PBX1: variants seen among roughly 807,000 people sequenced by gnomAD.
The protein encoded by PBX1 is PBX homeobox 1, also known as pre-B-cell leukemia transcription factor 1.
In PBX1, 6 loss-of-function variants were observed where a neutral mutation model predicts 53.4. The observed-to-expected ratio is 0.11, with a 90% CI of 0.06 to 0.22. The LOEUF is 0.22. Ranked by LOEUF, PBX1 falls within the 10% of genes least tolerant of loss-of-function variation. PBX1 has a pLI of 1.00. For synonymous variants in PBX1, 204 were observed against 212.3 expected, an observed-to-expected ratio of 0.96 and a Z score of 0.34; for missense variants, 251 against 551.4, an observed-to-expected ratio of 0.46 and a Z score of 5.46.
chr1:164,826,806 G>T (rs1430244606), intron 8 of PBX1, among the ~76,000 whole-genome samples: 1 of 152,122 alleles, frequency 6.6e-6, no homozygotes, highest in African/African-American at 2.4e-5. Context: ...TATTCAAAAG[G>T]TTTGGTGAAA....
chr1:164,564,227 G>A (rs978369366), intron 2 of PBX1, among the ~76,000 whole-genome samples: 3 of 152,088 alleles, frequency 2.0e-5, no homozygotes, highest in Admixed American at 1.3e-4. Context: ...TTACCCGCTC[G>A]CTTTAGAGCA....
chr1:164,562,793 G>C (rs1386017786), intron 1 of PBX1: 1 of 152,366 alleles, frequency 6.6e-6, no homozygotes, highest in Middle Eastern at 3.4e-3. Flanking sequence ...GAATGAATTC[G>C]AACACATGGA....
intron 2 of PBX1, among the ~76,000 whole-genome samples, chr1:164,678,024 A>G (rs1042453971): frequency 4.6e-5 from 7 of 152,142 alleles, no homozygotes; most frequent in African/African-American, 9.7e-5. Context: ...TCTAAAACCA[A>G]CCTCTTTTCA....
intron 2 of PBX1, among the ~76,000 whole-genome samples, chr1:164,754,201 A>G (rs1235958517): frequency 6.6e-6 from 1 of 152,034 alleles, no homozygotes; most frequent in Non-Finnish European, 1.5e-5. Flanking sequence ...TCATGGGAAA[A>G]AGCAGAGGCT....
At position 164,649,125 on chromosome 1, in the gene PBX1, C is replaced by CTAG. The variant is rs1240615833; in HGVS notation, c.265+85816_265+85818dup. Among the ~76,000 whole-genome samples, 25 of 152,212 alleles carry CTAG rather than the reference C, an allele frequency of 1.6e-4. No individual in the cohort carries two copies. The East Asian group carries it at 4.8e-3, about 29-fold the overall frequency. On this transcript the variant is annotated intron_variant, in intron 2 of 8. Transcript: ENST00000420696. The stretch of plus-strand genomic sequence containing the variant: ...AATGTGGGAACATTGGCCTACAGAT[C>CTAG]TAGTTAGGTCCTCTCCCACCGCCAT...
intron 2 of PBX1, among the ~76,000 whole-genome samples, chr1:164,707,454 AGAAAG>A (rs1663501556): frequency 8.8e-5 from 13 of 146,908 alleles, no homozygotes; most frequent in Admixed American, 3.4e-4. Flanking sequence ...AGAGAGAGAG[AGAAAG>A]TGCTGAATCC....
chr1:164,778,581 G>T (rs1035599860), intron 2 of PBX1, among the ~76,000 whole-genome samples: 6 of 151,572 alleles, frequency 4.0e-5, no homozygotes. Context: ...AGGCTGCAAT[G>T]AGCTGTGATT....
chr1:164,675,374 CCTTA>C (rs1390813516), intron 2 of PBX1, among the ~76,000 whole-genome samples: 3 of 151,962 alleles, frequency 2.0e-5, no homozygotes, highest in East Asian at 1.9e-4. Context: ...GCGGTTTTTG[CCTTA>C]CTTTCAATGG....
chr1:164,863,805 G>A (rs917248710), intron 2 of PBX1, among the ~76,000 whole-genome samples: 1 of 152,170 alleles, frequency 6.6e-6, no homozygotes, highest in Non-Finnish European at 1.5e-5. Flanking sequence ...CAAGGAAGAT[G>A]AGGAAGACAG....
chr1:164,574,820 A>G lies in PBX1; in HGVS notation c.265+11509A>G, dbSNP rs913735300. 3.9e-5 allele frequency among the ~76,000 whole-genome samples: 6 copies of G among 152,198 alleles called. No individual in the cohort carries two copies. The East Asian group carries it at 1.2e-3, about 29-fold the overall frequency. On this transcript the variant is annotated intron_variant, in intron 2 of 8. Coordinates refer to ENST00000420696, the MANE Select transcript of PBX1 (RefSeq NM_002585.4). ...AACATGGCGAAATGCCGTCTCTACT[A>G]AAAATACAAAAATTAGCTGGGTGTG...
At chr1:164,743,663 G>T (rs577417431) in intron 2 of PBX1, among the ~76,000 whole-genome samples, 1 of 152,242 alleles carries the variant, frequency 6.6e-6, no homozygotes, top group South Asian at 2.1e-4. Context: ...TTAAAAAATG[G>T]TGGCTTAAAC....
intron 2 of PBX1, among the ~76,000 whole-genome samples, chr1:164,617,415 T>G (rs17382325): frequency 0.2 from 29,945 of 152,254 alleles, 3,245 homozygotes; most frequent in Non-Finnish European, 0.25. Flanking sequence ...TTCTTTCCAA[T>G]ATGGGATCAG....
chr1:164,663,622 C>G (rs1440608494), intron 2 of PBX1, among the ~76,000 whole-genome samples: 1 of 152,172 alleles, frequency 6.6e-6, no homozygotes, highest in Non-Finnish European at 1.5e-5. Flanking sequence ...TTGCACCTGT[C>G]TGTCATTGCA....
intron 4 of PBX1, among the ~76,000 whole-genome samples, chr1:164,805,938 GTTAA>G (rs1377566459): frequency 2.0e-5 from 3 of 152,142 alleles, no homozygotes; most frequent in African/African-American, 4.8e-5. Flanking sequence ...ACTTCATTGT[GTTAA>G]TTAATCCAAG....
Position 164,559,426 on chromosome 1 carries a change from ATTAAGCCACAGAT to A in PBX1, c.-390_-378del, listed in dbSNP as rs1424183527. 2 of 244,900 alleles carry A rather than the reference ATTAAGCCACAGAT, an allele frequency of 8.2e-6. No homozygotes were observed. The highest frequency in any genetic ancestry group is 1.1e-4 in the Admixed American group (2 of 18,410). 15.2% of individuals were successfully genotyped at this position (244,900 alleles called of 1,614,324 possible). ...CCGATCAATGCATATTTGCAAAAGG[ATTAAGCCACAGAT>A]TTAAGCGCCGGGAGCCCATTTCTGC... On this transcript the variant is annotated 5_prime_UTR_variant, in exon 1 of 9. It removes the in-frame stop codon of an upstream open reading frame in the 5' UTR. Transcript: ENST00000420696.
At chr1:164,737,052 T>C (rs1665332792) in intron 2 of PBX1, among the ~76,000 whole-genome samples, 1 of 152,188 alleles carries the variant, frequency 6.6e-6, no homozygotes, top group Non-Finnish European at 1.5e-5. Flanking sequence ...AAGAAAGGTG[T>C]GTGTCTAAGT....
Position 164,846,856 on chromosome 1 carries a change from T to G in PBX1, c.*180T>G. On this transcript the variant is annotated 3_prime_UTR_variant, in exon 9 of 9. Coordinates refer to ENST00000420696, the MANE Select transcript of PBX1 (RefSeq NM_002585.4). ...TATTTCAGCCAATCTGGACACTTCT[T>G]TATACTCTCTTCCCTTTTTTTTCTG... 2 of 1,425,384 alleles carry G rather than the reference T, an allele frequency of 1.4e-6. No homozygotes were observed. The highest frequency in any genetic ancestry group is 1.8e-6 in the Non-Finnish European group (2 of 1,091,764). The allele number at this position is 1,425,384 out of a possible 1,614,324, so 88.3% of individuals were successfully genotyped here. A position where few individuals can be genotyped will look rare whatever the true frequency, so the allele number is the denominator to read the frequency against.
intron 2 of PBX1, among the ~76,000 whole-genome samples, chr1:164,727,056 C>T (rs542366214): frequency 2.0e-3 from 297 of 152,282 alleles, no homozygotes; most frequent in Middle Eastern, 6.8e-3. Flanking sequence ...TATGGTGTTA[C>T]GGTTTTGCTG....
At chr1:164,864,707 G>A (rs1672177501) in intron 2 of PBX1, among the ~76,000 whole-genome samples, 1 of 152,202 alleles carries the variant, frequency 6.6e-6, no homozygotes, top group Non-Finnish European at 1.5e-5. Flanking sequence ...TCCCAGGGCA[G>A]CTAGAATGGC....
Sources: allele counts gnomAD v4.1 joint callset (sites outside exome capture counted in the v4.1 genomes callset), GRCh38; gene constraint gnomAD v4.1.1; transcripts MANE v1.5; gene names NCBI Gene and HGNC (gene_info 2026-07-23, HGNC 2026-07-21).